The following ATP7B variants were observed in gnomAD, a reference collection of about 807,000 sequenced individuals.
The protein encoded by ATP7B is copper-transporting ATPase 2.
A neutral mutation model predicts 118.9 loss-of-function variants in ATP7B; 113 were observed. The observed-to-expected ratio is 0.95, with a 90% CI of 0.82 to 1.11. ATP7B has a LOEUF of 1.11. Ranked by LOEUF, ATP7B falls within the 50% of genes most tolerant of loss-of-function variation. The pLI, the probability that ATP7B is intolerant of heterozygous loss-of-function variation, is 0.00. For synonymous variants in ATP7B, 777 were observed against 727.4 expected, an observed-to-expected ratio of 1.07 and a Z score of -1.10; for missense variants, 1,867 against 1,871.4, an observed-to-expected ratio of 1.00 and a Z score of 0.04.
At chr13:51,980,326 G>T (rs991041410) in intron 1 of ATP7B, among the ~76,000 whole-genome samples, 1 of 152,138 alleles carries the variant, frequency 6.6e-6, no homozygotes, top group African/African-American at 2.4e-5. Context: ...TCTAGCTTTT[G>T]AATTTTTGAT....
intron 1 of ATP7B, among the ~76,000 whole-genome samples, chr13:51,993,133 TAAAC>T (rs935551702): frequency 4.6e-5 from 7 of 152,214 alleles, no homozygotes; most frequent in African/African-American, 9.6e-5. Context: ...TATGTAAACA[TAAAC>T]ATACATACAC....
At chr13:51,944,036 T>A in intron 14 of ATP7B, 73 bp downstream of exon 14, 1 of 1,591,158 alleles carries the variant, frequency 6.3e-7, no homozygotes, top group Non-Finnish European at 8.6e-7. Context: ...CGAGGGCAGC[T>A]AGGAGAGAAG....
rs998279621 is a variant in ATP7B, at chr13:51,973,792, A to C, written c.1285+143T>G. On this transcript the variant is annotated intron_variant, in intron 2 of 20. Transcript: ENST00000242839. ...TTTCCTCTATCTTAACAAATTTAAC[A>C]TGCAAGGAAAGTTTGCAGGATTTTG... The C allele has an allele frequency of 3.2e-6, 4 of 1,250,352 alleles. No individual in the cohort carries two copies. The African/African-American group carries it at 6.0e-5, about 19-fold the overall frequency. 77.5% of individuals were successfully genotyped at this position (1,250,352 alleles called of 1,614,324 possible).
chr13:51,981,753 G>C (rs1401136389), intron 1 of ATP7B, among the ~76,000 whole-genome samples: 1 of 152,070 alleles, frequency 6.6e-6, no homozygotes, highest in East Asian at 1.9e-4. Flanking sequence ...GAAAATTCAG[G>C]TTATCTTTTG....
At chr13:51,953,136 G>A (rs923866611) in intron 9 of ATP7B, among the ~76,000 whole-genome samples, 2 of 152,178 alleles carry the variant, frequency 1.3e-5, no homozygotes, top group Non-Finnish European at 2.9e-5. Flanking sequence ...CCAGGAGAAC[G>A]GAAGGATCTC....
chr13:51,991,112 C>A (rs566650701), intron 1 of ATP7B, among the ~76,000 whole-genome samples: 10 of 151,766 alleles, frequency 6.6e-5, no homozygotes, highest in African/African-American at 2.4e-4. Flanking sequence ...AAAAAAAGAA[C>A]CTAACCACCA....
At chr13:52,005,423 G>T (rs181556631) in intron 1 of ATP7B, among the ~76,000 whole-genome samples, 307 of 152,158 alleles carry the variant, frequency 2.0e-3, no homozygotes, top group African/African-American at 7.1e-3. Context: ...AAGCATTAGG[G>T]CACAGACACA....
chr13:51,974,279 G>A lies in ATP7B; in HGVS notation c.941C>T (p.Ala314Val), dbSNP rs768949522. 7.4e-6 allele frequency: 12 copies of A among 1,614,006 alleles called. No individual in the cohort carries two copies. Among genetic ancestry groups the A allele is most frequent in the Non-Finnish European group, 9.3e-6 (11 of 1,180,040 alleles). The part of the protein sequence containing the change: ...SCTSPVALQR[A>V]IEALPPGNFK... ...ATTCCCAGGTGGAAGTGCCTCGATA[G>A]CCCTCTGCAGAGCCACTGGGCTGGT... The change falls in exon 2 of 21, where the codon GCT becomes GTT. Residue 314 changes from alanine (A) to valine (V), a missense_variant. Physicochemically the swap from Ala to Val is moderately conservative, Grantham distance 64. Transcript: ENST00000242839.
At chr13:51,984,909 G>T (rs2140287388) in intron 1 of ATP7B, among the ~76,000 whole-genome samples, 1 of 152,306 alleles carries the variant, frequency 6.6e-6, no homozygotes, top group East Asian at 1.9e-4. Context: ...AAGAGTTCCT[G>T]AAGGGAAGCA....
chr13:51,983,432 A>G (rs1001251155), intron 1 of ATP7B, among the ~76,000 whole-genome samples: 3 of 152,126 alleles, frequency 2.0e-5, no homozygotes, highest in African/African-American at 7.2e-5. Flanking sequence ...CTTATAGATG[A>G]AGCCATCTCC....
At chr13:51,972,749 C>CA (rs1951902402) in intron 2 of ATP7B, among the ~76,000 whole-genome samples, 1 of 152,214 alleles carries the variant, frequency 6.6e-6, no homozygotes, top group African/African-American at 2.4e-5. Context: ...CCTGCAATCC[C>CA]AGCACTTTGG....
chr13:51,965,972 T>A (rs781541265), intron 4 of ATP7B, among the ~76,000 whole-genome samples: 1 of 152,128 alleles, frequency 6.6e-6, no homozygotes, highest in African/African-American at 2.4e-5. Context: ...TCAGAATGCA[T>A]TCAACTTGGC....
chr13:52,001,648 C>T (rs1475292915), intron 1 of ATP7B, among the ~76,000 whole-genome samples: 1 of 152,186 alleles, frequency 6.6e-6, no homozygotes, highest in African/African-American at 2.4e-5. Flanking sequence ...ATTTCATACA[C>T]TCCCAATTCC....
chr13:51,937,700 T>C (rs561166926), intron 17 of ATP7B, 21 bp from the exon 18 acceptor site: 2 of 1,613,234 alleles, frequency 1.2e-6, no homozygotes, highest in Non-Finnish European at 8.5e-7. Flanking sequence ...AGGAAGGCAA[T>C]GCCTAGTGTT....
Position 51,974,938 on chromosome 13 carries a change from T to C in ATP7B, c.282A>G (p.Glu94=). Residue 94 remains glutamate (E), a synonymous_variant, in exon 2 of 21, where the codon GAA becomes GAG. Coordinates refer to ENST00000242839, the MANE Select transcript of ATP7B (RefSeq NM_000053.4). ...CATATTTCACAGTGGCACTGCCTTGTTCCAGGGAAACCTTCATGCTGATGA... is the reference window on the plus strand; with the variant it reads ...CATATTTCACAGTGGCACTGCCTTGCTCCAGGGAAACCTTCATGCTGATGA... ...KGIISMKVSL[E]QGSATVKYVP... 6.2e-7 allele frequency: 1 copy of C among 1,614,230 alleles called. No homozygotes were observed. Among genetic ancestry groups the C allele is most frequent in the South Asian group, 1.1e-5 (1 of 91,082 alleles).
At chr13:51,976,882 T>C (rs1362319925) in intron 1 of ATP7B, among the ~76,000 whole-genome samples, 3 of 152,208 alleles carry the variant, frequency 2.0e-5, no homozygotes, top group Non-Finnish European at 2.9e-5. Flanking sequence ...GAAGTTGCTC[T>C]GGGTGAGTCG....
intron 1 of ATP7B, among the ~76,000 whole-genome samples, chr13:51,982,005 A>G: frequency 7.1e-6 from 1 of 140,930 alleles, no homozygotes. Context: ...TTGGGTGTGA[A>G]TTTTTTTTTT....
At position 52,009,008 on chromosome 13, in the gene ATP7B, G is replaced by A. The variant is rs1450372433; in HGVS notation, c.51+2279C>T. Among the ~76,000 whole-genome samples, 3 of 152,016 alleles carry A rather than the reference G, an allele frequency of 2.0e-5. No homozygotes were observed. The East Asian group carries it at 5.8e-4, about 29-fold the overall frequency. On this transcript the variant is annotated intron_variant, in intron 1 of 20. Transcript: ENST00000242839. ...TCCTGCCTCAGCCTCCCGAGTAGCT[G>A]GTTCGACAGGCACACACCATTATGC... is the stretch of plus-strand genomic sequence containing the variant.
chr13:51,970,548 C>T lies in ATP7B; in HGVS notation c.1487G>A (p.Gly496Asp), dbSNP rs766383479. ...APQKCFLQIK[G>D]MTCASCVSNI... Reference sequence around the variant, plus strand: ...AGACACACAGGATGCACAGGTCATGCCTTTGATCTGTAAGAAGCACTTCTG... The same window carrying T: ...AGACACACAGGATGCACAGGTCATGTCTTTGATCTGTAAGAAGCACTTCTG... Residue 496 changes from glycine (G) to aspartate (D), a missense_variant, in exon 3 of 21, where the codon GGC becomes GAC. Gly to Asp is a moderately conservative substitution (Grantham distance 94). Transcript: ENST00000242839. The T allele has an allele frequency of 6.2e-7, 1 of 1,614,140 alleles. No homozygotes were observed.
Sources: allele counts gnomAD v4.1 joint callset (sites outside exome capture counted in the v4.1 genomes callset), GRCh38; gene constraint gnomAD v4.1.1; transcripts MANE v1.5; gene names NCBI Gene and HGNC (gene_info 2026-07-23, HGNC 2026-07-21).